ADGRL2: variants seen among roughly 807,000 people sequenced by gnomAD.
ADGRL2 encodes the protein adhesion G protein-coupled receptor L2, also known as calcium-independent alpha-latrotoxin receptor 2.
A neutral mutation model predicts 157.4 loss-of-function variants in ADGRL2; 44 were observed. The ratio of observed to expected loss-of-function variants is 0.28; its 90% CI spans 0.22 to 0.36. ADGRL2 has a LOEUF of 0.36. Among genes scored for constraint, ADGRL2 ranks in the 10% least tolerant of loss-of-function variants. The pLI is 1.00. For synonymous variants in ADGRL2, 585 were observed against 624.7 expected (o/e 0.94, Z 0.95); for missense variants, 1,510 against 1,768.9 (o/e 0.85, Z 2.63).
At chr1:81,459,833 C>T (rs114001079) in intron 2 of ADGRL2, among the ~76,000 whole-genome samples, 5,118 of 120,500 alleles carry the variant, frequency 0.042, 178 homozygotes, top group Admixed American at 0.098. Flanking sequence ...TATATATATA[C>T]ACACACACAC....
chr1:81,391,331 C>T (rs1055965604), intron 1 of ADGRL2, among the ~76,000 whole-genome samples: 1 of 152,308 alleles, frequency 6.6e-6, no homozygotes, highest in Non-Finnish European at 1.5e-5. Context: ...CAAGTGCTGG[C>T]ATAGAAGAGC....
chr1:81,826,427 C>T (rs1200229923), intron 1 of ADGRL2, among the ~76,000 whole-genome samples: 11 of 88,386 alleles, frequency 1.2e-4, no homozygotes, highest in Non-Finnish European at 2.1e-4. Context: ...ACTTTAATCC[C>T]CTAGAATGAC....
chr1:81,868,500 G>C (rs567945570), intron 2 of ADGRL2, among the ~76,000 whole-genome samples: 2 of 152,116 alleles, frequency 1.3e-5, no homozygotes, highest in South Asian at 4.2e-4. Context: ...GCTACCCTTC[G>C]GTAAGCTCTC....
chr1:81,321,846 G>A (rs1557594735), intron 1 of ADGRL2, among the ~76,000 whole-genome samples: 1 of 145,416 alleles, frequency 6.9e-6, no homozygotes, highest in African/African-American at 2.5e-5. Context: ...AAAAAAAAAT[G>A]ATGCCAATAG....
chr1:81,753,859 A>C (rs1297748553), intron 1 of ADGRL2, among the ~76,000 whole-genome samples: 1 of 152,176 alleles, frequency 6.6e-6, no homozygotes, highest in Non-Finnish European at 1.5e-5. Flanking sequence ...AAGGAATCCC[A>C]GAAGCTGAAT....
intron 3 of ADGRL2, among the ~76,000 whole-genome samples, chr1:81,647,146 T>TA (rs2082329898): frequency 6.6e-6 from 1 of 152,204 alleles, no homozygotes; most frequent in Non-Finnish European, 1.5e-5. Flanking sequence ...TATCTGAATC[T>TA]AAAATCTAGG....
At chr1:81,503,522 T>A in intron 2 of ADGRL2, 10 of 1,583,592 alleles carry the variant, frequency 6.3e-6, no homozygotes, top group Non-Finnish European at 7.7e-6. Context: ...GTGAAGGAAG[T>A]TGATGCACAG....
At chr1:81,632,551 G>A (rs947648935) in intron 3 of ADGRL2, among the ~76,000 whole-genome samples, 6 of 152,106 alleles carry the variant, frequency 3.9e-5, no homozygotes, top group African/African-American at 1.4e-4. Context: ...GAGGTCAGGA[G>A]ATCGAGACCA....
At chr1:81,451,251 C>T (rs982961766) in intron 2 of ADGRL2, among the ~76,000 whole-genome samples, 7 of 152,164 alleles carry the variant, frequency 4.6e-5, no homozygotes, top group African/African-American at 1.7e-4. Flanking sequence ...ATACTACCGT[C>T]CTTCTATGGA....
intron 20 of ADGRL2, 120 bp downstream of exon 20, chr1:81,984,831 G>T: frequency 2.7e-6 from 3 of 1,128,126 alleles, no homozygotes; most frequent in South Asian, 1.8e-5. Context: ...GCAAATACTT[G>T]CTTTTTTAGT....
At chr1:81,367,307 G>C (rs1467790097) in intron 1 of ADGRL2, among the ~76,000 whole-genome samples, 3 of 152,072 alleles carry the variant, frequency 2.0e-5, no homozygotes, top group African/African-American at 7.2e-5. Flanking sequence ...GTGCTGCAGG[G>C]ATCAACCCAT....
intron 2 of ADGRL2, among the ~76,000 whole-genome samples, chr1:81,769,243 C>A (rs920498297): frequency 2.0e-5 from 3 of 152,128 alleles, no homozygotes; most frequent in African/African-American, 7.2e-5. Flanking sequence ...AATCTTAAAG[C>A]AGCTAAACTT....
At chr1:81,343,169 A>T in intron 1 of ADGRL2, among the ~76,000 whole-genome samples, 1 of 143,946 alleles carries the variant, frequency 6.9e-6, no homozygotes, top group African/African-American at 2.6e-5. Flanking sequence ...GTTCACTGCA[A>T]CCCTCCTCCT....
At chr1:81,322,105 T>TAC (rs1451824549) in intron 1 of ADGRL2, among the ~76,000 whole-genome samples, 3 of 120,226 alleles carry the variant, frequency 2.5e-5, no homozygotes, top group African/African-American at 8.5e-5. Context: ...TATATATATA[T>TAC]ATATACACAT....
chr1:81,924,564 C>T (rs2095061060), intron 3 of ADGRL2, among the ~76,000 whole-genome samples: 1 of 152,016 alleles, frequency 6.6e-6, no homozygotes, highest in South Asian at 2.1e-4. Flanking sequence ...ATTCCTCTAG[C>T]CTGTGGTGTT....
At chr1:81,980,268 T>C (rs1287425185) in intron 18 of ADGRL2, among the ~76,000 whole-genome samples, 1 of 151,814 alleles carries the variant, frequency 6.6e-6, no homozygotes, top group Non-Finnish European at 1.5e-5. Flanking sequence ...ATGGCTGATA[T>C]GATTATATTA....
In ADGRL2 at chr1:81,684,024, T is replaced by A. The variant is rs921718736; in HGVS notation, c.-142-77787T>A. 2.6e-5 allele frequency among the ~76,000 whole-genome samples: 4 copies of A among 151,700 alleles called. No homozygotes were observed. In the East Asian group the frequency reaches 7.8e-4, roughly 30 times the overall value. ...TAGAGATGAGGTTTCACCATGTTGG[T>A]CAGGCTGGTCTCGAACTCCTGACCT... On this transcript the variant is annotated intron_variant, in intron 3 of 24. Transcript: ENST00000370721.
chr1:81,559,936 G>GT (rs1308189346), intron 2 of ADGRL2, among the ~76,000 whole-genome samples: 1 of 152,060 alleles, frequency 6.6e-6, no homozygotes, highest in Non-Finnish European at 1.5e-5. Flanking sequence ...AAAAAATTGT[G>GT]TATTTATTAT....
intron 3 of ADGRL2, among the ~76,000 whole-genome samples, chr1:81,634,303 G>T (rs2082072671): frequency 6.6e-6 from 1 of 152,038 alleles, no homozygotes; most frequent in South Asian, 2.1e-4. Context: ...TATGGACTGT[G>T]TTCCACAAAA....
Sources: allele counts gnomAD v4.1 joint callset (sites outside exome capture counted in the v4.1 genomes callset), GRCh38; gene constraint gnomAD v4.1.1; transcripts MANE v1.5; gene names NCBI Gene and HGNC (gene_info 2026-07-23, HGNC 2026-07-21).